The following AGO3 variants were observed in gnomAD, a reference collection of about 807,000 sequenced individuals.
The protein encoded by AGO3 is protein argonaute-3.
Under a neutral mutation model 105.5 loss-of-function variants are expected in AGO3, and 16 were observed. The ratio of observed to expected loss-of-function variants is 0.15; its 90% CI spans 0.10 to 0.23. The LOEUF (loss-of-function observed/expected upper bound fraction) is 0.23. AGO3 is among the 10% of genes least tolerant of loss of function. The probability of loss-of-function intolerance (pLI) is 1.00; values close to 1 mark genes in which losing one functional copy is unlikely to be tolerated. For synonymous variants in AGO3, 340 were observed against 367.3 expected, an observed-to-expected ratio of 0.93 and a Z score of 0.85; for missense variants, 534 against 1,088.0, an observed-to-expected ratio of 0.49 and a Z score of 7.16.
chr1:35,958,485 ACT>A (rs1297748406), intron 2 of AGO3, among the ~76,000 whole-genome samples: 2 of 151,886 alleles, frequency 1.3e-5, no homozygotes, highest in Non-Finnish European at 2.9e-5. Context: ...ACATGATGAA[ACT>A]CTGTCTCTAC....
At chr1:35,968,906 T>TTG (rs893985540) in intron 3 of AGO3, among the ~76,000 whole-genome samples, 17 of 152,146 alleles carry the variant, frequency 1.1e-4, no homozygotes, top group African/African-American at 3.4e-4. Context: ...CTGTTTTGTT[T>TTG]TTTTTTTTGT....
chr1:35,995,317 A>C (rs1242515641), intron 5 of AGO3, among the ~76,000 whole-genome samples: 1 of 151,392 alleles, frequency 6.6e-6, no homozygotes, highest in Non-Finnish European at 1.5e-5. Flanking sequence ...AGAGCCAAAA[A>C]ATCTTTTAAA....
chr1:35,998,960 G>A (rs1436529479), intron 5 of AGO3, among the ~76,000 whole-genome samples: 1 of 152,132 alleles, frequency 6.6e-6, no homozygotes, highest in East Asian at 1.9e-4. Context: ...TATAGTATGA[G>A]GTAGGCTTTC....
chr1:35,955,376 C>T (rs1439960050), intron 2 of AGO3, among the ~76,000 whole-genome samples: 1 of 152,100 alleles, frequency 6.6e-6, no homozygotes, highest in South Asian at 2.1e-4. Flanking sequence ...ATTTCAAAAA[C>T]TATAATTTGT....
intron 2 of AGO3, among the ~76,000 whole-genome samples, chr1:35,954,929 G>A (rs146681778): frequency 6.6e-6 from 1 of 152,348 alleles, no homozygotes; most frequent in Admixed American, 6.5e-5. Context: ...TGCAGCACCT[G>A]CCTGTGCTGA....
intron 1 of AGO3, among the ~76,000 whole-genome samples, chr1:35,933,375 G>T (rs1433165994): frequency 6.6e-6 from 1 of 152,016 alleles, no homozygotes; most frequent in African/African-American, 2.4e-5. Context: ...GGGTGTGGTG[G>T]TTCATGCCTG....
At chr1:35,947,657 T>A (rs1646391759) in intron 2 of AGO3, among the ~76,000 whole-genome samples, 1 of 152,174 alleles carries the variant, frequency 6.6e-6, no homozygotes, top group African/African-American at 2.4e-5. Context: ...GAGGGCTGTT[T>A]TCCTGAACAT....
chr1:36,025,611 C>G (rs939747926), intron 11 of AGO3, among the ~76,000 whole-genome samples: 1 of 152,112 alleles, frequency 6.6e-6, no homozygotes, highest in African/African-American at 2.4e-5. Context: ...CATCTCTATC[C>G]TGAAGGAATC....
At chr1:36,030,574 G>A (rs1330323771) in intron 12 of AGO3, among the ~76,000 whole-genome samples, 1 of 151,598 alleles carries the variant, frequency 6.6e-6, no homozygotes, top group South Asian at 2.1e-4. Flanking sequence ...TGCTAAATTA[G>A]CAAACATATT....
intron 2 of AGO3, among the ~76,000 whole-genome samples, chr1:35,959,862 A>T (rs555526107): frequency 1.3e-5 from 2 of 152,132 alleles, no homozygotes; most frequent in African/African-American, 4.8e-5. Context: ...TATTTGTGAG[A>T]TAATTATGCT....
rs1024116921 is a variant in AGO3, at chr1:36,068,950, G to A, written c.*13205G>A. On this transcript the variant is annotated 3_prime_UTR_variant, in exon 19 of 19. Coordinates refer to ENST00000373191, the MANE Select transcript of AGO3 (RefSeq NM_024852.4). ...ATTTATTGCCTTTGAGAGTAGAAAG[G>A]GCTCTAGAATATGAGCCAGAGACTT... The A allele has an allele frequency of 3.9e-5, 6 of 152,170 alleles. No homozygotes were observed. The highest frequency in any genetic ancestry group is 1.4e-4 in the African/African-American group (6 of 41,434). The allele number at this position is 152,170 out of a possible 1,614,324, so 9.4% of individuals were successfully genotyped here. A position where few individuals can be genotyped will look rare whatever the true frequency, so the allele number is the denominator to read the frequency against.
At chr1:35,939,992 CTT>C (rs1444188715) in intron 1 of AGO3, among the ~76,000 whole-genome samples, 1 of 152,042 alleles carries the variant, frequency 6.6e-6, no homozygotes, top group Non-Finnish European at 1.5e-5. Context: ...ATAATAATCA[CTT>C]ATAAAAATTT....
At chr1:35,994,626 A>G (rs1031019568) in intron 5 of AGO3, among the ~76,000 whole-genome samples, 2 of 152,218 alleles carry the variant, frequency 1.3e-5, no homozygotes, top group African/African-American at 4.8e-5. Context: ...ACATTAAAGA[A>G]TCTACCAAAA....
chr1:36,000,733 C>T (rs1303619632), intron 5 of AGO3, among the ~76,000 whole-genome samples: 2 of 151,404 alleles, frequency 1.3e-5, no homozygotes, highest in East Asian at 3.9e-4. Context: ...CCTTTTTGTG[C>T]ACAATAATAT....
intron 2 of AGO3, among the ~76,000 whole-genome samples, chr1:35,965,132 TAA>T (rs567277800): frequency 1.4e-5 from 2 of 146,672 alleles, no homozygotes. Context: ...ACTGTTGAGT[TAA>T]AAAAAAAAAT....
At chr1:35,962,730 A>C (rs1355513204) in intron 2 of AGO3, among the ~76,000 whole-genome samples, 2 of 152,090 alleles carry the variant, frequency 1.3e-5, no homozygotes, top group African/African-American at 4.8e-5. Context: ...AAACCTGCTC[A>C]CTAGATGGAG....
intron 17 of AGO3, among the ~76,000 whole-genome samples, chr1:36,054,030 T>C (rs1430739759): frequency 6.6e-6 from 1 of 151,892 alleles, no homozygotes; most frequent in East Asian, 1.9e-4. Flanking sequence ...AGAGATGAGG[T>C]CTTCCTATGT....
chr1:35,945,982 G>A, intron 2 of AGO3, 119 bp downstream of exon 2: 1 of 1,064,342 alleles, frequency 9.4e-7, no homozygotes, highest in Non-Finnish European at 1.3e-6. Context: ...AAAACATCTG[G>A]TAATTTGTTT....
At chr1:35,971,921 T>C (rs1646877755) in intron 3 of AGO3, 103 bp from the exon 4 acceptor site, 6 of 1,137,422 alleles carry the variant, frequency 5.3e-6, no homozygotes, top group Middle Eastern at 3.0e-4. Flanking sequence ...CTATTGACTT[T>C]ATTTTTGCCA....
Sources: allele counts gnomAD v4.1 joint callset (sites outside exome capture counted in the v4.1 genomes callset), GRCh38; gene constraint gnomAD v4.1.1; transcripts MANE v1.5; gene names NCBI Gene and HGNC (gene_info 2026-07-23, HGNC 2026-07-21).